The following USP40 variants were observed in gnomAD, a reference collection of about 807,000 sequenced individuals.
USP40 encodes the protein ubiquitin carboxyl-terminal hydrolase 40.
USP40 carries 143 observed loss-of-function variants against 166.2 expected under a neutral mutation model. The observed-to-expected ratio is 0.86, with a 90% CI of 0.75 to 0.99. The LOEUF (loss-of-function observed/expected upper bound fraction) is 0.99, where lower values mean the gene tolerates loss of function less well. Ranked by LOEUF, USP40 falls within the 50% of genes least tolerant of loss-of-function variation. USP40 has a pLI of 0.00. For missense variants in USP40, 1,444 were observed against 1,479.7 expected, an observed-to-expected ratio of 0.98 and a Z score of 0.40; for synonymous variants, 498 against 524.0, an observed-to-expected ratio of 0.95 and a Z score of 0.68.
intron 21 of USP40, among the ~76,000 whole-genome samples, chr2:233,505,710 C>G (rs2066371261): frequency 6.6e-6 from 1 of 152,116 alleles, no homozygotes; most frequent in Non-Finnish European, 1.5e-5. Context: ...AGCTGAGGAC[C>G]TAATGGCTTC....
chr2:233,545,078 G>A (rs1055293039), intron 8 of USP40, among the ~76,000 whole-genome samples: 1 of 152,122 alleles, frequency 6.6e-6, no homozygotes, highest in Non-Finnish European at 1.5e-5. Flanking sequence ...AACAAGCAAA[G>A]CAAGAAGCCT....
chr2:233,536,294 T>C (rs2068929152), intron 10 of USP40, among the ~76,000 whole-genome samples: 1 of 152,192 alleles, frequency 6.6e-6, no homozygotes, highest in Non-Finnish European at 1.5e-5. Flanking sequence ...GTGGAAAGAC[T>C]ACAACTAAAA....
rs1375197244 is a variant in USP40 at position 233,561,475 on chromosome 2, C to T, written c.267+1261G>A. On this transcript the variant is annotated intron_variant, in intron 3 of 31. Coordinates refer to ENST00000678225, the MANE Select transcript of USP40 (RefSeq NM_001365479.2). Reference sequence around the variant, plus strand: ...AAAAACAAGCAATGGGGAAAGGATTCCCTATTTAATAAATGGTGCTGGGAA... The same window carrying T: ...AAAAACAAGCAATGGGGAAAGGATTTCCTATTTAATAAATGGTGCTGGGAA... Among the ~76,000 whole-genome samples, 8 of 150,050 alleles carry T rather than the reference C, an allele frequency of 5.3e-5. No individual in the cohort carries two copies. The South Asian group carries it at 1.3e-3, about 24-fold the overall frequency.
chr2:233,488,448 G>A, intron 27 of USP40, 144 bp from the exon 28 acceptor site: 1 of 710,882 alleles, frequency 1.4e-6, no homozygotes, highest in Non-Finnish European at 2.3e-6. Flanking sequence ...TTGGAAAAGG[G>A]GAAAAAATGA....
intron 18 of USP40, among the ~76,000 whole-genome samples, chr2:233,513,120 G>T (rs2066945490): frequency 6.6e-6 from 1 of 152,138 alleles, no homozygotes; most frequent in African/African-American, 2.4e-5. Flanking sequence ...TTTAAGCAGG[G>T]CTTGGTTTCT....
At chr2:233,525,932 G>A (rs2067992455) in intron 13 of USP40, among the ~76,000 whole-genome samples, 1 of 152,178 alleles carries the variant, frequency 6.6e-6, no homozygotes, top group Non-Finnish European at 1.5e-5. Flanking sequence ...TAGCAATGTT[G>A]AGGGAAATGT....
At chr2:233,548,077 A>G (rs2070158528) in intron 8 of USP40, among the ~76,000 whole-genome samples, 1 of 152,216 alleles carries the variant, frequency 6.6e-6, no homozygotes, top group Admixed American at 6.5e-5. Flanking sequence ...ACAAAAATGA[A>G]GAGTAGACAT....
At position 233,489,424 on chromosome 2, in the gene USP40, G is replaced by T. The variant is rs1484114504; in HGVS notation, c.3072C>A (p.Ala1024=). 1 of 1,607,214 alleles carries T rather than the reference G, an allele frequency of 6.2e-7. No homozygotes were observed. Among genetic ancestry groups the T allele is most frequent in the African/African-American group, 1.3e-5 (1 of 74,948 alleles). ...FGVPSPAHLR[A]WTVERKRPGR... is the part of the protein sequence containing the mutation. Reference sequence around the variant, plus strand: ...CTGGGCGCTTCCTCTCCACCGTCCAGGCTCTGAGGTGGGCTGGGGACGGGA... The same window carrying T: ...CTGGGCGCTTCCTCTCCACCGTCCATGCTCTGAGGTGGGCTGGGGACGGGA... The change falls in exon 27 of 32, where the codon GCC becomes GCA. Residue 1024 remains alanine, a synonymous_variant. Transcript: ENST00000678225.
In USP40 at chr2:233,477,513, C is replaced by T. The variant is rs1306809969; in HGVS notation, c.3600-10G>A. 22 of 1,610,240 alleles carry T rather than the reference C, an allele frequency of 1.4e-5. No homozygotes were observed. Among genetic ancestry groups the T allele is most frequent in the Non-Finnish European group, 1.2e-5 (14 of 1,177,986 alleles). ...ATGGAGGGCTTCTTGGCTGCAGAGA[C>T]ACAGACACTGTCATTGACTCATGGA... On this transcript the variant is annotated splice_polypyrimidine_tract_variant and intron_variant, in intron 31 of 31. Coordinates refer to ENST00000678225, the MANE Select transcript of USP40 (RefSeq NM_001365479.2).
Position 233,556,950 on chromosome 2 carries a change from C to G in USP40, c.451G>C (p.Gly151Arg), listed in dbSNP as rs747835734. The G allele has an allele frequency of 3.7e-6, 6 of 1,613,916 alleles. No homozygotes were observed. In the East Asian group the frequency reaches 1.3e-4, roughly 36 times the overall value. The change falls in exon 5 of 32, where the codon GGG becomes CGG. Residue 151 changes from glycine to arginine, a missense_variant. Coordinates refer to ENST00000678225, the MANE Select transcript of USP40 (RefSeq NM_001365479.2). ...TAGATGAGGTCATGACCGGAGGTCCCAACTAAAGAAGTTTCCAAAGCGCTG... is the reference window on the plus strand; with the variant it reads ...TAGATGAGGTCATGACCGGAGGTCCGAACTAAAGAAGTTTCCAAAGCGCTG... Reference protein sequence around the residue: ...LFSALETSLVGTSGHDLIYRL... With the variant: ...LFSALETSLVRTSGHDLIYRL...
chr2:233,563,084 T>C (rs761042199), intron 2 of USP40, among the ~76,000 whole-genome samples: 17 of 152,202 alleles, frequency 1.1e-4, no homozygotes, highest in Non-Finnish European at 1.9e-4. Flanking sequence ...AAATCTTTCA[T>C]GGCTTCCCAC....
intron 18 of USP40, among the ~76,000 whole-genome samples, chr2:233,519,215 A>T (rs1218834026): frequency 6.6e-6 from 1 of 152,200 alleles, no homozygotes; most frequent in Admixed American, 6.5e-5. Context: ...TACTGAATTA[A>T]ACACTTAAAC....
intron 14 of USP40, among the ~76,000 whole-genome samples, chr2:233,525,184 T>C (rs775272281): frequency 5.9e-5 from 9 of 152,220 alleles, no homozygotes; most frequent in Non-Finnish European, 1.0e-4. Context: ...TGTTCAACAA[T>C]ATGTGTCAAT....
intron 3 of USP40, chr2:233,560,684 C>A: frequency 4.2e-6 from 1 of 236,368 alleles, no homozygotes; most frequent in Non-Finnish European, 8.2e-6. Context: ...TATGTTTAAG[C>A]AGGGAGGAAC....
intron 18 of USP40, among the ~76,000 whole-genome samples, chr2:233,517,985 C>T (rs919813428): frequency 2.9e-5 from 4 of 135,870 alleles, no homozygotes; most frequent in Admixed American, 1.6e-4. Flanking sequence ...TATGAGGACA[C>T]AAAGGCACAA....
chr2:233,489,333 A>T, intron 27 of USP40, 32 bp downstream of exon 27: 1 of 1,536,174 alleles, frequency 6.5e-7, no homozygotes, highest in South Asian at 1.2e-5. Context: ...AGCAGCAGAG[A>T]GGGACAGTGT....
chr2:233,491,021 C>T lies in USP40; in HGVS notation c.3012+146G>A, dbSNP rs183596687. 4.6e-3 allele frequency: 3,480 copies of T among 749,648 alleles called. 17 individuals carry two copies. Among genetic ancestry groups the T allele is most frequent in the Non-Finnish European group, 6.4e-3 (2,683 of 416,884 alleles). 46.4% of individuals were successfully genotyped at this position (749,648 alleles called of 1,614,324 possible). On this transcript the variant is annotated intron_variant, in intron 26 of 31. Coordinates refer to ENST00000678225, the MANE Select transcript of USP40 (RefSeq NM_001365479.2). ...CTGCACCATGGGCGTGTATTGCCTG[C>T]GGGTACTTACCACTGAACATGGCAT... is the stretch of plus-strand genomic sequence containing the variant.
chr2:233,517,781 GGTGTGTGTGTGTGTGT>G (rs111938537), intron 18 of USP40, among the ~76,000 whole-genome samples: 18 of 142,170 alleles, frequency 1.3e-4, no homozygotes, highest in African/African-American at 2.3e-4. Flanking sequence ...AAGAAACTGT[GGTGTGTGTGTGTGTGT>G]GTGTGTGTGT....
intron 30 of USP40, 67 bp downstream of exon 30, chr2:233,485,464 C>T (rs367609064): frequency 2.4e-5 from 29 of 1,201,950 alleles, no homozygotes; most frequent in Admixed American, 4.2e-5. Flanking sequence ...TTCAATAAAA[C>T]GTCTCTATAA....
Sources: gnomAD v4.1 joint callset for allele counts (sites outside exome capture counted in the v4.1 genomes callset) on GRCh38, gnomAD v4.1.1 for gene constraint, MANE v1.5 for transcripts, NCBI Gene and HGNC (gene_info 2026-07-23, HGNC 2026-07-21) for gene names.